IFT74: variants seen among roughly 807,000 people sequenced by gnomAD.
The protein encoded by IFT74 is intraflagellar transport 74, also known as intraflagellar transport protein 74 homolog.
A neutral mutation model predicts 96.7 loss-of-function variants in IFT74; 92 were observed. The ratio of observed to expected loss-of-function variants is 0.95; its 90% CI spans 0.80 to 1.13. The LOEUF (loss-of-function observed/expected upper bound fraction) is 1.13. Ranked by LOEUF, IFT74 falls within the 50% of genes most tolerant of loss-of-function variation. The pLI is 0.00. For missense variants in IFT74, 811 were observed against 698.2 expected (o/e 1.16, Z -1.82); for synonymous variants, 223 against 213.2 (o/e 1.05, Z -0.40).
intron 9 of IFT74, among the ~76,000 whole-genome samples, chr9:27,010,428 A>G (rs911989027): frequency 5.3e-5 from 8 of 150,002 alleles, no homozygotes; most frequent in African/African-American, 1.2e-4. Flanking sequence ...CATGCCCCCA[A>G]CTGGGCACCA....
At chr9:27,054,360 C>G (rs974517282) in intron 16 of IFT74, among the ~76,000 whole-genome samples, 10 of 152,126 alleles carry the variant, frequency 6.6e-5, no homozygotes, top group Admixed American at 5.9e-4. Context: ...TTAGAGAGCT[C>G]TCTTCATCCC....
At chr9:27,021,941 T>G (rs1386397406) in intron 12 of IFT74, among the ~76,000 whole-genome samples, 2 of 152,228 alleles carry the variant, frequency 1.3e-5, no homozygotes, top group East Asian at 3.8e-4. Context: ...TGATGTTATC[T>G]TCTAGAATTT....
At position 27,058,792 on chromosome 9, in the gene IFT74, G is replaced by A. The variant is rs1285315462; in HGVS notation, c.1624-1799G>A. 3.9e-5 allele frequency among the ~76,000 whole-genome samples: 6 copies of A among 152,320 alleles called. No homozygotes were observed. The East Asian group carries it at 1.2e-3, about 29-fold the overall frequency. ...TTGAAAAGGGTAGAATCTCATGAAA[G>A]CTTGCTACAACTACTAAAAGCTTAG... On this transcript the variant is annotated intron_variant, in intron 18 of 19. Coordinates refer to ENST00000380062, the MANE Select transcript of IFT74 (RefSeq NM_025103.4).
At chr9:27,040,500 G>A (rs1318120147) in intron 13 of IFT74, among the ~76,000 whole-genome samples, 1 of 136,250 alleles carries the variant, frequency 7.3e-6, no homozygotes, top group Non-Finnish European at 1.5e-5. Context: ...AGCTGAGATT[G>A]CACCATTGCA....
rs371641870 is a variant in IFT74 at position 27,056,420 on chromosome 9, A to T, written c.1584A>T (p.Ala528=). The T allele has an allele frequency of 6.5e-4, 1,037 of 1,599,858 alleles. No individual in the cohort carries two copies. Among genetic ancestry groups the T allele is most frequent in the Non-Finnish European group, 8.3e-4 (971 of 1,174,488 alleles). The change falls in exon 18 of 20, where the codon GCA becomes GCT. Residue 528 remains alanine, a synonymous_variant. Transcript: ENST00000380062. Reference sequence around the variant, plus strand: ...AGAAGCAAAACATAGAGTATGAGGCACTAAAAACACAATTGCAAGAAAATG... The same window carrying T: ...AGAAGCAAAACATAGAGTATGAGGCTCTAAAAACACAATTGCAAGAAAATG... The part of the protein sequence containing the change: ...IMEKQNIEYE[A]LKTQLQENET...
chr9:27,000,859 T>G (rs1448584813), intron 8 of IFT74, among the ~76,000 whole-genome samples: 3 of 152,198 alleles, frequency 2.0e-5, no homozygotes, highest in African/African-American at 7.2e-5. Context: ...AAAAAATTAC[T>G]GTAAACTATA....
At chr9:26,975,515 T>C (rs1178311222) in intron 2 of IFT74, among the ~76,000 whole-genome samples, 2 of 152,246 alleles carry the variant, frequency 1.3e-5, no homozygotes, top group Non-Finnish European at 2.9e-5. Flanking sequence ...TCTTTCATTA[T>C]CTTTCCAATA....
intron 1 of IFT74, among the ~76,000 whole-genome samples, chr9:26,959,519 T>A (rs2131472746): frequency 6.6e-6 from 1 of 152,254 alleles, no homozygotes; most frequent in East Asian, 1.9e-4. Flanking sequence ...AGGAAAGAAT[T>A]GAACATGGTA....
chr9:27,037,634 C>G (rs1008529148), intron 13 of IFT74, among the ~76,000 whole-genome samples: 1 of 152,194 alleles, frequency 6.6e-6, no homozygotes, highest in Non-Finnish European at 1.5e-5. Flanking sequence ...CTTTGGGGTT[C>G]AAAGCCTGGA....
intron 14 of IFT74, among the ~76,000 whole-genome samples, chr9:27,045,989 T>A (rs1819687153): frequency 6.6e-6 from 1 of 152,340 alleles, no homozygotes; most frequent in East Asian, 1.9e-4. Context: ...AGTGTTCATT[T>A]AATGAATGTT....
At chr9:27,058,398 T>G (rs2131709103) in intron 18 of IFT74, among the ~76,000 whole-genome samples, 1 of 150,492 alleles carries the variant, frequency 6.6e-6, no homozygotes, top group South Asian at 2.1e-4. Context: ...CTTTTTTTTC[T>G]TTTTGAGACG....
At chr9:26,961,262 T>C (rs1001900490) in intron 1 of IFT74, among the ~76,000 whole-genome samples, 1 of 151,850 alleles carries the variant, frequency 6.6e-6, no homozygotes, top group Non-Finnish European at 1.5e-5. Flanking sequence ...AGCTAATTTT[T>C]TGTATTTTTA....
At chr9:27,048,303 C>T (rs779822336) in intron 16 of IFT74, 29 bp downstream of exon 16, 1 of 1,457,084 alleles carries the variant, frequency 6.9e-7, no homozygotes. Flanking sequence ...TTTTAATATT[C>T]TTTTTTTTTA....
At chr9:26,959,858 T>C (rs1172830677) in intron 1 of IFT74, among the ~76,000 whole-genome samples, 1 of 152,216 alleles carries the variant, frequency 6.6e-6, no homozygotes, top group Non-Finnish European at 1.5e-5. Flanking sequence ...CCAGCTAAGA[T>C]TTGTGACTAT....
chr9:26,951,271 A>G (rs371903725), intron 1 of IFT74, among the ~76,000 whole-genome samples: 117 of 152,360 alleles, frequency 7.7e-4, no homozygotes, highest in African/African-American at 2.5e-3. Context: ...GTTGGGGTCA[A>G]TATGGTTCAG....
At chr9:26,952,332 A>G (rs1825960730), upstream of IFT74, among the ~76,000 whole-genome samples, 1 of 149,956 alleles carries the variant, frequency 6.7e-6, no homozygotes, top group Non-Finnish European at 1.5e-5. Context: ...GCTGGAGTGC[A>G]ATGGCGCGAT....
At chr9:27,060,674 T>C in intron 19 of IFT74, 23 bp downstream of exon 19, 1 of 1,571,026 alleles carries the variant, frequency 6.4e-7, no homozygotes. Flanking sequence ...AAGCTGAAAA[T>C]GGGGCCGGGT....
At chr9:26,989,198 T>A (rs1827766003) in intron 7 of IFT74, among the ~76,000 whole-genome samples, 1 of 152,054 alleles carries the variant, frequency 6.6e-6, no homozygotes, top group African/African-American at 2.4e-5. Context: ...GACATAACAC[T>A]GGGGACTCCA....
intron 1 of IFT74, among the ~76,000 whole-genome samples, chr9:26,961,641 A>C (rs1826364341): frequency 6.6e-6 from 1 of 152,208 alleles, no homozygotes; most frequent in African/African-American, 2.4e-5. Context: ...GGGCAAAGAA[A>C]GATGTTGGCT....
Sources: allele counts gnomAD v4.1 joint callset (sites outside exome capture counted in the v4.1 genomes callset), GRCh38; gene constraint gnomAD v4.1.1; transcripts MANE v1.5; gene names NCBI Gene and HGNC (gene_info 2026-07-23, HGNC 2026-07-21).